TMEM131: variants seen among roughly 807,000 people sequenced by gnomAD.
The protein encoded by TMEM131 is transmembrane protein 131.
In TMEM131, 66 loss-of-function variants were observed where a neutral mutation model predicts 211.6. The ratio of observed to expected loss-of-function variants is 0.31; its 90% CI spans 0.26 to 0.38. The LOEUF is 0.38. Ranked by LOEUF, TMEM131 falls within the 10% of genes least tolerant of loss-of-function variation. The pLI is 1.00. For synonymous variants in TMEM131, 844 were observed against 841.3 expected (o/e 1.00, Z -0.06); for missense variants, 2,036 against 2,299.3 (o/e 0.89, Z 2.34).
intron 5 of TMEM131, among the ~76,000 whole-genome samples, chr2:97,847,179 T>C (rs901447071): frequency 6.7e-6 from 1 of 148,774 alleles, no homozygotes; most frequent in African/African-American, 2.5e-5. Context: ...CAGAGTGAGA[T>C]TCGGTCTCAA....
intron 10 of TMEM131, 65 bp downstream of exon 10, chr2:97,834,556 G>C: frequency 8.4e-7 from 1 of 1,190,638 alleles, no homozygotes; most frequent in Non-Finnish European, 1.2e-6. Context: ...GAGCCATTCA[G>C]CACTGAATAC....
At chr2:97,878,648 G>C (rs1182384334) in intron 4 of TMEM131, among the ~76,000 whole-genome samples, 1 of 152,140 alleles carries the variant, frequency 6.6e-6, no homozygotes, top group African/African-American at 2.4e-5. Context: ...GTTGAACAAT[G>C]AGAACACATG....
At chr2:97,824,811 AG>A (rs1289700305) in intron 11 of TMEM131, among the ~76,000 whole-genome samples, 3 of 152,248 alleles carry the variant, frequency 2.0e-5, no homozygotes, top group Non-Finnish European at 4.4e-5. Context: ...AACATTTAAA[AG>A]CTCAAAGCTT....
intron 1 of TMEM131, among the ~76,000 whole-genome samples, chr2:97,936,711 T>A (rs1677463082): frequency 6.6e-6 from 1 of 152,098 alleles, no homozygotes; most frequent in Non-Finnish European, 1.5e-5. Flanking sequence ...AAAATCTAAT[T>A]TCCAGAGTTG....
At chr2:97,797,986 T>A (rs1289148246) in intron 25 of TMEM131, among the ~76,000 whole-genome samples, 1 of 152,176 alleles carries the variant, frequency 6.6e-6, no homozygotes, top group African/African-American at 2.4e-5. Flanking sequence ...TCAGGCCTCC[T>A]GCCACTGCCA....
intron 3 of TMEM131, among the ~76,000 whole-genome samples, chr2:97,900,148 T>A (rs1289419864): frequency 6.6e-6 from 1 of 152,150 alleles, no homozygotes; most frequent in East Asian, 1.9e-4. Context: ...CTCTGAATTG[T>A]GTGGCTGACT....
At chr2:97,851,854 G>A (rs1000338029) in intron 5 of TMEM131, among the ~76,000 whole-genome samples, 3 of 152,122 alleles carry the variant, frequency 2.0e-5, no homozygotes, top group Admixed American at 2.0e-4. Flanking sequence ...TTACAATTAG[G>A]CCAATTAGTA....
chr2:97,766,182 C>A lies in TMEM131; in HGVS notation c.4655G>T (p.Ser1552Ile). 1 of 1,614,064 alleles carries A rather than the reference C, an allele frequency of 6.2e-7. No individual in the cohort carries two copies. The highest frequency in any genetic ancestry group is 8.5e-7 in the Non-Finnish European group (1 of 1,179,900). The change falls in exon 35 of 41, where the codon AGC becomes ATC. Residue 1552 changes from serine to isoleucine, a missense_variant. Physicochemically the swap from Ser to Ile is moderately radical, Grantham distance 142 (BLOSUM62 -2). Transcript: ENST00000186436. ...AGGAGAGTCTTTTTCACCCTCTGAG[C>A]TACTGGTGTTGCCTAATTCTTGACT... is the stretch of plus-strand genomic sequence containing the variant. ...PNSQELGNTS[S>I]SEGEKDSPPP...
chr2:97,967,021 AAAACAAAC>A (rs140987291), intron 1 of TMEM131, among the ~76,000 whole-genome samples: 7 of 152,018 alleles, frequency 4.6e-5, no homozygotes, highest in African/African-American at 1.2e-4. Flanking sequence ...CCCACCACCT[AAAACAAAC>A]AAACAAACAA....
Position 97,805,677 on chromosome 2 carries a change from A to G in TMEM131, c.2082T>C (p.Asn694=). The change falls in exon 20 of 41, where the codon AAT becomes AAC. Residue 694 remains asparagine, a synonymous_variant. Transcript: ENST00000186436. ...CCTTCTGTGAGAAGGAATTCATAAT[A>G]TTTAAACTTTGATGAACTATTTTCC... ...FPGKIVHQSL[N]IMNSFSQKVK... The G allele has an allele frequency of 2.5e-6, 4 of 1,601,088 alleles. No homozygotes were observed. The highest frequency in any genetic ancestry group is 3.4e-6 in the Non-Finnish European group (4 of 1,172,068).
chr2:97,930,036 C>A (rs566375644), intron 1 of TMEM131, among the ~76,000 whole-genome samples: 3 of 151,802 alleles, frequency 2.0e-5, no homozygotes, highest in South Asian at 2.1e-4. Flanking sequence ...CTGTTCCCCC[C>A]ACTTTTTAAC....
chr2:97,885,230 C>T (rs1675099077), intron 4 of TMEM131, among the ~76,000 whole-genome samples: 1 of 152,038 alleles, frequency 6.6e-6, no homozygotes, highest in African/African-American at 2.4e-5. Context: ...CGGAGTCTCG[C>T]TCTGTCACCC....
At chr2:97,795,211 C>T (rs1680702647) in intron 28 of TMEM131, 96 bp from the exon 29 acceptor site, 1 of 855,866 alleles carries the variant, frequency 1.2e-6, no homozygotes, top group South Asian at 2.2e-5. Context: ...AAATATAACA[C>T]AGAATTTGCG....
chr2:97,885,439 C>CTG (rs763990347), intron 4 of TMEM131, among the ~76,000 whole-genome samples: 4,238 of 74,000 alleles, frequency 0.057, 67 homozygotes, highest in African/African-American at 0.14. Context: ...TGTGATCCGC[C>CTG]CGCCTCCCAA....
chr2:97,943,082 AAAGAAAG>A (rs879818376), intron 1 of TMEM131, among the ~76,000 whole-genome samples: 72 of 141,466 alleles, frequency 5.1e-4, no homozygotes, highest in Non-Finnish European at 9.1e-4. Context: ...AGAAAGAAAG[AAAGAAAG>A]AAAGAAAGAA....
chr2:97,916,145 A>G (rs1676498162), intron 2 of TMEM131, among the ~76,000 whole-genome samples: 1 of 152,030 alleles, frequency 6.6e-6, no homozygotes, highest in Admixed American at 6.6e-5. Flanking sequence ...CAAACTCCTG[A>G]CCTCAAATGA....
intron 1 of TMEM131, among the ~76,000 whole-genome samples, chr2:97,958,270 C>G (rs1016607895): frequency 1.3e-5 from 2 of 152,132 alleles, no homozygotes; most frequent in Admixed American, 1.3e-4. Context: ...GTAATTTGCC[C>G]AAGGTCAAAC....
At chr2:97,900,695 T>G (rs1306268079) in intron 3 of TMEM131, among the ~76,000 whole-genome samples, 7 of 151,988 alleles carry the variant, frequency 4.6e-5, no homozygotes, top group African/African-American at 1.5e-4. Flanking sequence ...GCTATCTCTT[T>G]GACATAATTA....
rs1237500688 is a variant in TMEM131 at position 97,805,372 on chromosome 2, T to C, written c.2284+4A>G. 1 of 1,613,146 alleles carries C rather than the reference T, an allele frequency of 6.2e-7. No homozygotes were observed. The highest frequency in any genetic ancestry group is 2.2e-5 in the East Asian group (1 of 44,870). ...ACATGAGAGAGAACAGCAAGGTCACTTACATTTGGATAGAAAAGGCAAGCC... is the reference window on the plus strand; with the variant it reads ...ACATGAGAGAGAACAGCAAGGTCACCTACATTTGGATAGAAAAGGCAAGCC... On this transcript the variant is annotated splice_donor_region_variant and intron_variant, in intron 21 of 40. Coordinates refer to ENST00000186436, the MANE Select transcript of TMEM131 (RefSeq NM_015348.2).
Sources: allele counts gnomAD v4.1 joint callset (sites outside exome capture counted in the v4.1 genomes callset), GRCh38; gene constraint gnomAD v4.1.1; transcripts MANE v1.5; gene names NCBI Gene and HGNC (gene_info 2026-07-23, HGNC 2026-07-21).